VPS13A: variants seen among roughly 807,000 people sequenced by gnomAD.
VPS13A encodes intermembrane lipid transfer protein VPS13A.
Under a neutral mutation model 390.9 loss-of-function variants are expected in VPS13A, and 264 were observed. The ratio of observed to expected loss-of-function variants is 0.68; its 90% confidence interval spans 0.61 to 0.75. The LOEUF (loss-of-function observed/expected upper bound fraction) is 0.75, where lower values mean the gene tolerates loss of function less well. VPS13A is among the 30% of genes least tolerant of loss of function. The pLI, the probability that VPS13A is intolerant of heterozygous loss-of-function variation, is 0.00. For missense variants in VPS13A, 3,409 were observed against 3,733.9 expected (o/e 0.91, Z 2.27); for synonymous variants, 1,231 against 1,227.1 (o/e 1.00, Z -0.07).
At chr9:77,324,248 C>A (rs1186782470) in intron 45 of VPS13A, among the ~76,000 whole-genome samples, 1 of 151,914 alleles carries the variant, frequency 6.6e-6, no homozygotes, top group Non-Finnish European at 1.5e-5. Flanking sequence ...TTTACTTTTT[C>A]TTTTTCAATC....
chr9:77,237,966 C>T (rs1432019180), intron 17 of VPS13A, 36 bp from the exon 18 acceptor site: 1 of 1,475,088 alleles, frequency 6.8e-7, no homozygotes, highest in South Asian at 1.2e-5. Flanking sequence ...CACAATTTTA[C>T]TGATCGCTGA....
At chr9:77,351,847 G>A (rs111271067) in intron 53 of VPS13A, among the ~76,000 whole-genome samples, 44 of 152,122 alleles carry the variant, frequency 2.9e-4, no homozygotes, top group African/African-American at 8.4e-4. Flanking sequence ...CCAGCCTGGC[G>A]ACAGAGCAAG....
At chr9:77,379,387 T>C (rs1237118880) in intron 67 of VPS13A, among the ~76,000 whole-genome samples, 1 of 152,088 alleles carries the variant, frequency 6.6e-6, no homozygotes, top group Non-Finnish European at 1.5e-5. Context: ...ATTACAGGCA[T>C]GTGCCACCAC....
chr9:77,237,785 A>G (rs1824239199), intron 17 of VPS13A, among the ~76,000 whole-genome samples: 1 of 152,216 alleles, frequency 6.6e-6, no homozygotes, highest in Non-Finnish European at 1.5e-5. Context: ...TTAGCTTATC[A>G]TAACTTTTTT....
chr9:77,280,128 G>GA (rs746885006), intron 26 of VPS13A, 31 bp from the exon 27 acceptor site: 1 of 1,508,964 alleles, frequency 6.6e-7, no homozygotes, highest in African/African-American at 1.4e-5. Flanking sequence ...CCTTTCCGAT[G>GA]AAAAGATAAT....
intron 68 of VPS13A, among the ~76,000 whole-genome samples, chr9:77,386,776 CG>C (rs1381624513): frequency 2.7e-5 from 4 of 149,580 alleles, no homozygotes; most frequent in Non-Finnish European, 5.9e-5. Flanking sequence ...GGCGCGATCT[CG>C]GCTGACTGCA....
At chr9:77,327,631 T>G (rs1478423087) in intron 45 of VPS13A, among the ~76,000 whole-genome samples, 1 of 149,972 alleles carries the variant, frequency 6.7e-6, no homozygotes, top group Non-Finnish European at 1.5e-5. Flanking sequence ...GGAGGTTTTC[T>G]GATATTATTA....
At chr9:77,214,467 C>A in intron 10 of VPS13A, 81 bp downstream of exon 10, 2 of 1,137,972 alleles carry the variant, frequency 1.8e-6, no homozygotes, top group Non-Finnish European at 2.6e-6. Context: ...TATCACTGTG[C>A]TAGTTCCTGT....
chr9:77,221,341 T>A lies in VPS13A; in HGVS notation c.1146T>A (p.Leu382=), dbSNP rs556865512. The change falls in exon 13 of 72, where the codon CTT becomes CTA. Residue 382 remains leucine, a synonymous_variant. Coordinates refer to ENST00000360280, the MANE Select transcript of VPS13A (RefSeq NM_033305.3). ...KLTSKKPPGE[L]LVSLEELEKT... Reference sequence around the variant, plus strand: ...CAAGTAAGAAGCCACCTGGTGAACTTCTCGTGTCTTTGGAGGTTAGCATTT... The same window carrying A: ...CAAGTAAGAAGCCACCTGGTGAACTACTCGTGTCTTTGGAGGTTAGCATTT... 1.2e-6 allele frequency: 2 copies of A among 1,612,778 alleles called. No homozygotes were observed. Among genetic ancestry groups the A allele is most frequent in the South Asian group, 2.2e-5 (2 of 91,046 alleles).
intron 8 of VPS13A, 34 bp downstream of exon 8, chr9:77,213,062 T>G: frequency 6.2e-7 from 1 of 1,612,306 alleles, no homozygotes. Context: ...ACTCATGGAC[T>G]TAAGAGAATT....
At chr9:77,244,336 C>T (rs1824682426) in intron 19 of VPS13A, among the ~76,000 whole-genome samples, 1 of 145,208 alleles carries the variant, frequency 6.9e-6, no homozygotes, top group Non-Finnish European at 1.5e-5. Context: ...GAATTGAAAT[C>T]CACACTTTGT....
At chr9:77,243,662 A>G (rs1417660663) in intron 19 of VPS13A, among the ~76,000 whole-genome samples, 1 of 152,202 alleles carries the variant, frequency 6.6e-6, no homozygotes, top group Non-Finnish European at 1.5e-5. Flanking sequence ...TCATTTAAAT[A>G]TATATCAAGA....
intron 45 of VPS13A, among the ~76,000 whole-genome samples, chr9:77,323,586 A>G (rs1829859323): frequency 6.6e-6 from 1 of 152,182 alleles, no homozygotes; most frequent in Non-Finnish European, 1.5e-5. Context: ...TTATTGAGGT[A>G]TGTACAATAA....
At chr9:77,197,487 G>A (rs1027954137) in intron 1 of VPS13A, among the ~76,000 whole-genome samples, 2 of 152,170 alleles carry the variant, frequency 1.3e-5, no homozygotes, top group Non-Finnish European at 2.9e-5. Flanking sequence ...TTTTAGTGAA[G>A]TGTCGGTTTT....
intron 7 of VPS13A, chr9:77,211,746 C>T (rs926392368): frequency 3.3e-5 from 5 of 152,172 alleles, no homozygotes; most frequent in African/African-American, 9.7e-5. Flanking sequence ...AGTTACTAAT[C>T]ATCACCTTTG....
chr9:77,409,731 A>T (rs1242546075), intron 71 of VPS13A, among the ~76,000 whole-genome samples: 1 of 151,196 alleles, frequency 6.6e-6, no homozygotes, highest in Non-Finnish European at 1.5e-5. Context: ...AAATGAAGCG[A>T]GAAGAGAAGT....
In VPS13A at chr9:77,225,279, A is replaced by AT. The variant is rs540306715; in HGVS notation, c.1162-639dup. On this transcript the variant is annotated intron_variant, in intron 13 of 71. Coordinates refer to ENST00000360280, the MANE Select transcript of VPS13A (RefSeq NM_033305.3). Reference sequence around the variant, plus strand: ...TTTACGATTATATATCTTTGTATAGATTTTTTTTGAGACAGAGTCTTGCTT... The same window carrying AT: ...TTTACGATTATATATCTTTGTATAGATTTTTTTTTGAGACAGAGTCTTGCTT... Among the ~76,000 whole-genome samples the AT allele has an allele frequency of 1.8e-3, 277 of 152,070 alleles. 1 individual carries two copies. Among genetic ancestry groups the AT allele is most frequent in the African/African-American group, 6.3e-3 (260 of 41,482 alleles).
At chr9:77,239,720 A>T (rs1275945103) in intron 19 of VPS13A, among the ~76,000 whole-genome samples, 1 of 151,700 alleles carries the variant, frequency 6.6e-6, no homozygotes. Context: ...TAATTAATTT[A>T]TTTAGGCTTA....
At chr9:77,344,926 T>G in intron 51 of VPS13A, 83 bp from the exon 52 acceptor site, 1 of 1,468,150 alleles carries the variant, frequency 6.8e-7, no homozygotes, top group Non-Finnish European at 9.4e-7. Context: ...TATCAAGTTA[T>G]GAATAGTCTG....
Sources: gnomAD v4.1 joint callset for allele counts (sites outside exome capture counted in the v4.1 genomes callset) on GRCh38, gnomAD v4.1.1 for gene constraint, MANE v1.5 for transcripts, NCBI Gene and HGNC (gene_info 2026-07-23, HGNC 2026-07-21) for gene names.